DPYSL4: variants seen among roughly 807,000 people sequenced by gnomAD.
The protein encoded by DPYSL4 is dihydropyrimidinase like 4.
Under a neutral mutation model 63.4 loss-of-function variants are expected in DPYSL4, and 43 were observed. That is an observed-to-expected ratio of 0.68 (90% CI 0.53 to 0.88). The LOEUF is 0.88. Among genes scored for constraint, DPYSL4 ranks in the 40% least tolerant of loss-of-function variants. The pLI is 0.00. For missense variants in DPYSL4, 733 were observed against 819.5 expected (o/e 0.89, Z 1.29); for synonymous variants, 353 against 331.7 (o/e 1.06, Z -0.70).
intron 1 of DPYSL4, among the ~76,000 whole-genome samples, chr10:132,189,935 C>T (rs2061852136): frequency 6.6e-6 from 1 of 152,234 alleles, no homozygotes; most frequent in African/African-American, 2.4e-5. Context: ...TCTGGCACCA[C>T]CACCCCACCA....
chr10:132,202,705 A>G lies in DPYSL4; in HGVS notation c.1341A>G (p.Ile447Met). 1 of 1,613,452 alleles carries G rather than the reference A, an allele frequency of 6.2e-7. No homozygotes were observed. Among genetic ancestry groups the G allele is most frequent in the Non-Finnish European group, 8.5e-7 (1 of 1,179,976 alleles). The change falls in exon 12 of 14, where the codon ATA (isoleucine) becomes ATG (methionine). Residue 447 changes from isoleucine to methionine, a missense_variant. Coordinates refer to ENST00000338492, the MANE Select transcript of DPYSL4 (RefSeq NM_006426.3). ...VECRGAPAVV[I>M]SQGRVALEDG... Reference sequence around the variant, plus strand: ...GCCGGGGAGCGCCTGCCGTGGTCATAAGTCAGGGCCGAGTGGCGCTGGAGG... The same window carrying G: ...GCCGGGGAGCGCCTGCCGTGGTCATGAGTCAGGGCCGAGTGGCGCTGGAGG...
chr10:132,190,098 C>A (rs1674513555), intron 1 of DPYSL4, among the ~76,000 whole-genome samples: 1 of 152,290 alleles, frequency 6.6e-6, no homozygotes, highest in Admixed American at 6.5e-5. Context: ...CTTCTCCCAG[C>A]CCCTCTCTCA....
At chr10:132,190,466 G>A (rs2061859320) in intron 1 of DPYSL4, among the ~76,000 whole-genome samples, 1 of 152,244 alleles carries the variant, frequency 6.6e-6, no homozygotes, top group South Asian at 2.1e-4. Flanking sequence ...ATATAAATAT[G>A]ACCTGTGGCA....
chr10:132,198,236 G>C (rs2061969693), intron 6 of DPYSL4, among the ~76,000 whole-genome samples, 179 bp from the exon 7 acceptor site: 1 of 152,108 alleles, frequency 6.6e-6, no homozygotes, highest in African/African-American at 2.4e-5. Context: ...CAGGGAGCAG[G>C]AATCACACCT....
chr10:132,200,104 T>C (rs1434934164), intron 8 of DPYSL4, among the ~76,000 whole-genome samples: 1 of 152,050 alleles, frequency 6.6e-6, no homozygotes, highest in Non-Finnish European at 1.5e-5. Context: ...GGGTGGGGTG[T>C]GGGCAGAGAG....
At chr10:132,197,361 C>A (rs139292939) in intron 6 of DPYSL4, among the ~76,000 whole-genome samples, 3 of 152,232 alleles carry the variant, frequency 2.0e-5, no homozygotes, top group African/African-American at 7.2e-5. Flanking sequence ...TCCAAAATAC[C>A]TCAAAAGCAA....
chr10:132,192,497 T>C, intron 2 of DPYSL4, 161 bp from the exon 3 acceptor site: 1 of 1,388,196 alleles, frequency 7.2e-7, no homozygotes, highest in Admixed American at 3.2e-5. Flanking sequence ...CTTTGCTCCC[T>C]GGCACTCCCG....
chr10:132,195,205 A>G (rs2061927258), intron 4 of DPYSL4, among the ~76,000 whole-genome samples, 196 bp downstream of exon 4: 1 of 152,118 alleles, frequency 6.6e-6, no homozygotes, highest in Non-Finnish European at 1.5e-5. Context: ...CTCTTTCCCA[A>G]TCCGAGGGAC....
intron 2 of DPYSL4, 200 bp from the exon 3 acceptor site, chr10:132,192,458 G>A (rs1340745641): frequency 6.2e-6 from 8 of 1,290,176 alleles, no homozygotes; most frequent in African/African-American, 3.1e-5. Flanking sequence ...GGACCCTGCA[G>A]TGACCGTCCT....
intron 2 of DPYSL4, chr10:132,192,291 A>T (rs12266311): frequency 1.2e-5 from 12 of 991,544 alleles, no homozygotes; most frequent in Non-Finnish European, 1.4e-5. Context: ...AGCACTTAGT[A>T]TGGTGCCTGG....
chr10:132,193,671 C>G (rs1590092730), intron 3 of DPYSL4, among the ~76,000 whole-genome samples: 1 of 152,252 alleles, frequency 6.6e-6, no homozygotes, highest in East Asian at 1.9e-4. Context: ...GGTTTTCTAG[C>G]TGTGTGACTC....
At chr10:132,197,604 C>A (rs1217328238) in intron 6 of DPYSL4, among the ~76,000 whole-genome samples, 1 of 152,368 alleles carries the variant, frequency 6.6e-6, no homozygotes, top group East Asian at 1.9e-4. Flanking sequence ...AGCAGAGGCA[C>A]CCACAGGTAC....
At chr10:132,200,550 C>T (rs201787510) in intron 9 of DPYSL4, 38 bp downstream of exon 9, 116 of 1,607,126 alleles carry the variant, frequency 7.2e-5, no homozygotes, top group East Asian at 2.5e-4. Flanking sequence ...GTTGGCCGCC[C>T]GCTGCACACC....
rs1565044778 is a variant in DPYSL4 at position 132,200,354 on chromosome 10, AG to A, written c.814del. 2 of 1,613,094 alleles carry A rather than the reference AG, an allele frequency of 1.2e-6. No individual in the cohort carries two copies. Among genetic ancestry groups the A allele is most frequent in the Non-Finnish European group, 8.5e-7 (1 of 1,179,820 alleles). ...GCACCTCTCATGGGCCTCGTGCTGC[AG>A]GGGTGGTCGTGTTTGGGGAGCCCAT... is the stretch of plus-strand genomic sequence containing the variant. On this transcript the variant is annotated splice_acceptor_variant, in intron 8 of 13. Transcript: ENST00000338492. LOFTEE classifies it high-confidence loss of function.
intron 13 of DPYSL4, among the ~76,000 whole-genome samples, chr10:132,204,400 C>T (rs974837409): frequency 1.7e-4 from 26 of 152,136 alleles, no homozygotes; most frequent in Non-Finnish European, 3.1e-4. Context: ...CGGCCTCTGG[C>T]GTCGCTTCTG....
rs10160124 is a variant in DPYSL4, at chr10:132,193,485, C to T, written c.313+643C>T. Among the ~76,000 whole-genome samples, 568 of 152,318 alleles carry T rather than the reference C, an allele frequency of 3.7e-3. 4 individuals carry two copies. The highest frequency in any genetic ancestry group is 0.013 in the African/African-American group (529 of 41,578). Reference sequence around the variant, plus strand: ...GTTTAACAGGTGGGTGAGTGGAGTCCGCCTGCCCACCACGAGCACGTGGTG... The same window carrying T: ...GTTTAACAGGTGGGTGAGTGGAGTCTGCCTGCCCACCACGAGCACGTGGTG... On this transcript the variant is annotated intron_variant, in intron 3 of 13. Coordinates refer to ENST00000338492, the MANE Select transcript of DPYSL4 (RefSeq NM_006426.3).
At chr10:132,201,872 C>T (rs2062022751) in intron 10 of DPYSL4, 74 bp from the exon 11 acceptor site, 1 of 1,490,350 alleles carries the variant, frequency 6.7e-7, no homozygotes. Context: ...GTCCTGGTGG[C>T]CCAGTGTCTG....
chr10:132,200,623 C>A, intron 9 of DPYSL4, 111 bp downstream of exon 9: 1 of 1,450,296 alleles, frequency 6.9e-7, no homozygotes, highest in African/African-American at 1.4e-5. Context: ...GCAGCCCGGA[C>A]AGTGGCGGGT....
intron 1 of DPYSL4, among the ~76,000 whole-genome samples, chr10:132,187,990 C>T (rs1026624335): frequency 6.6e-6 from 1 of 152,104 alleles, no homozygotes; most frequent in African/African-American, 2.4e-5. Flanking sequence ...GGCATTAGCT[C>T]GAGCCGTGGG....
Sources: allele counts gnomAD v4.1 joint callset (sites outside exome capture counted in the v4.1 genomes callset), GRCh38; gene constraint gnomAD v4.1.1; transcripts MANE v1.5; gene names NCBI Gene and HGNC (gene_info 2026-07-23, HGNC 2026-07-21).